The following NALF1 variants were observed in gnomAD, a reference collection of about 807,000 sequenced individuals.
The protein encoded by NALF1 is family with sequence similarity 155 member A.
Under a neutral mutation model 48.4 loss-of-function variants are expected in NALF1, and 3 were observed. The ratio of observed to expected loss-of-function variants is 0.06; its 90% CI spans 0.03 to 0.16. NALF1 has a LOEUF of 0.16. Ranked by LOEUF, NALF1 falls within the 10% of genes least tolerant of loss-of-function variation. NALF1 has a pLI of 1.00. For synonymous variants in NALF1, 262 were observed against 245.7 expected (o/e 1.07, Z -0.62); for missense variants, 526 against 571.5 (o/e 0.92, Z 0.81).
intron 1 of NALF1, among the ~76,000 whole-genome samples, chr13:107,596,342 A>C (rs1373016545): frequency 6.6e-6 from 1 of 152,224 alleles, no homozygotes; most frequent in Non-Finnish European, 1.5e-5. Context: ...AAGGATTATA[A>C]ATAATTCCAC....
intron 1 of NALF1, among the ~76,000 whole-genome samples, chr13:107,318,282 A>C (rs1464758125): frequency 6.6e-6 from 1 of 152,150 alleles, no homozygotes; most frequent in Non-Finnish European, 1.5e-5. Flanking sequence ...TATCAACTGC[A>C]CAATTCCGGC....
intron 1 of NALF1, among the ~76,000 whole-genome samples, chr13:107,328,596 A>C (rs1379117750): frequency 1.3e-5 from 2 of 152,166 alleles, no homozygotes; most frequent in Non-Finnish European, 2.9e-5. Flanking sequence ...TCTTCTATTG[A>C]GATACAGTGT....
intron 2 of NALF1, among the ~76,000 whole-genome samples, chr13:107,172,316 T>C (rs1227779376): frequency 6.6e-6 from 1 of 152,256 alleles, no homozygotes; most frequent in Non-Finnish European, 1.5e-5. Flanking sequence ...TTTTCTTACT[T>C]ATCTGTCAAT....
chr13:107,215,804 T>A (rs1261789819), intron 1 of NALF1, among the ~76,000 whole-genome samples: 1 of 152,042 alleles, frequency 6.6e-6, no homozygotes. Flanking sequence ...ATAGCTAATC[T>A]GTGCAGAACC....
intron 1 of NALF1, among the ~76,000 whole-genome samples, chr13:107,241,116 A>C (rs9587325): frequency 0.79 from 117,932 of 148,442 alleles, 46,939 homozygotes; most frequent in African/African-American, 0.84. Context: ...ATTGCTTGAA[A>C]CCGGGAGGCA....
chr13:107,424,015 G>A (rs1345950514), intron 1 of NALF1, among the ~76,000 whole-genome samples: 2 of 151,838 alleles, frequency 1.3e-5, no homozygotes, highest in African/African-American at 4.8e-5. Flanking sequence ...TCCATTGATG[G>A]GAATGGTCTG....
chr13:107,545,197 G>C (rs371798823), intron 1 of NALF1, among the ~76,000 whole-genome samples: 3 of 152,316 alleles, frequency 2.0e-5, no homozygotes, highest in East Asian at 1.9e-4. Context: ...CATAAAGACA[G>C]ATACATGCAG....
intron 1 of NALF1, among the ~76,000 whole-genome samples, chr13:107,415,124 A>G (rs768863584): frequency 6.6e-6 from 1 of 152,194 alleles, no homozygotes; most frequent in Non-Finnish European, 1.5e-5. Context: ...ACTAAGTATA[A>G]CTTGACATAA....
intron 1 of NALF1, among the ~76,000 whole-genome samples, chr13:107,556,652 C>A (rs1877492344): frequency 7.9e-6 from 1 of 126,516 alleles, no homozygotes; most frequent in Non-Finnish European, 1.7e-5. Flanking sequence ...CTGCCCTGCC[C>A]AGCTTTTTGT....
rs562281615 is a variant in NALF1, at chr13:107,176,450, G to C, written c.1088-5664C>G. On this transcript the variant is annotated intron_variant, in intron 2 of 2. Coordinates refer to ENST00000375915, the MANE Select transcript of NALF1 (RefSeq NM_001080396.3). ...GAGGTCAGGAGATCGAGACCATCCT[G>C]GCTAACACGGTGAAACCCCATCTCT... Among the ~76,000 whole-genome samples the C allele has an allele frequency of 1.2e-4, 18 of 151,490 alleles. 1 individual carries two copies. The South Asian group carries it at 1.7e-3, about 14-fold the overall frequency.
chr13:107,308,803 T>C (rs892274153), intron 1 of NALF1, among the ~76,000 whole-genome samples: 1 of 152,214 alleles, frequency 6.6e-6, no homozygotes, highest in East Asian at 1.9e-4. Flanking sequence ...AATCGCAACA[T>C]GACTTACAAT....
chr13:107,782,495 C>T (rs546456714), intron 1 of NALF1, among the ~76,000 whole-genome samples: 1,723 of 152,156 alleles, frequency 0.011, 14 homozygotes, highest in Non-Finnish European at 0.018. Context: ...AAGTGAGGAG[C>T]GTCTCTGCCT....
intron 1 of NALF1, among the ~76,000 whole-genome samples, chr13:107,806,326 A>G (rs1021748459): frequency 1.3e-5 from 2 of 152,310 alleles, no homozygotes; most frequent in South Asian, 4.1e-4. Context: ...AGTATTTATG[A>G]AAACATTAAA....
chr13:107,655,864 T>C (rs1880561353), intron 1 of NALF1, among the ~76,000 whole-genome samples: 1 of 151,972 alleles, frequency 6.6e-6, no homozygotes, highest in Non-Finnish European at 1.5e-5. Context: ...CAAATACTTA[T>C]AGCCAACCAA....
intron 1 of NALF1, among the ~76,000 whole-genome samples, chr13:107,611,421 A>G (rs1879221478): frequency 6.6e-6 from 1 of 152,258 alleles, no homozygotes; most frequent in African/African-American, 2.4e-5. Context: ...CCAAAAGGCA[A>G]AAACAACTAG....
At chr13:107,607,516 AGTTGTT>A (rs914029207) in intron 1 of NALF1, among the ~76,000 whole-genome samples, 1 of 152,194 alleles carries the variant, frequency 6.6e-6, no homozygotes, top group African/African-American at 2.4e-5. Context: ...GCCAAAATAA[AGTTGTT>A]GTTGTTGTTG....
At chr13:107,251,735 G>C (rs1285556629) in intron 1 of NALF1, among the ~76,000 whole-genome samples, 1 of 152,192 alleles carries the variant, frequency 6.6e-6, no homozygotes, top group African/African-American at 2.4e-5. Flanking sequence ...CTGCTACCAA[G>C]AGGGCCTTTT....
At chr13:107,758,237 TATTTCTACATAA>T (rs1466580775) in intron 1 of NALF1, among the ~76,000 whole-genome samples, 1 of 152,246 alleles carries the variant, frequency 6.6e-6, no homozygotes, top group Non-Finnish European at 1.5e-5. Flanking sequence ...CATACACGAC[TATTTCTACATAA>T]GTGTGGGTGT....
rs1878647676 is a variant in NALF1, at chr13:107,165,919, ACAAAC to A, written c.*4573_*4577del. 6.6e-6 allele frequency: 1 copy of A among 152,106 alleles called. No individual in the cohort carries two copies. The highest frequency in any genetic ancestry group is 1.5e-5 in the Non-Finnish European group (1 of 68,022). 9.4% of individuals were successfully genotyped at this position (152,106 alleles called of 1,614,324 possible). ...AAATGACCATGCTGCTCTAACTTTG[ACAAAC>A]AAGTAGGATCATTCATCATTATGGT... On this transcript the variant is annotated 3_prime_UTR_variant, in exon 3 of 3. Coordinates refer to ENST00000375915, the MANE Select transcript of NALF1 (RefSeq NM_001080396.3).
Sources: gnomAD v4.1 joint callset for allele counts (sites outside exome capture counted in the v4.1 genomes callset) on GRCh38, gnomAD v4.1.1 for gene constraint, MANE v1.5 for transcripts, NCBI Gene and HGNC (gene_info 2026-07-23, HGNC 2026-07-21) for gene names.